Variants in HERC1 observed in about 807,000 individuals in gnomAD.
HERC1 encodes the protein probable E3 ubiquitin-protein ligase HERC1.
A neutral mutation model predicts 554.3 loss-of-function variants in HERC1; 160 were observed. The ratio of observed to expected loss-of-function variants is 0.29; its 90% CI spans 0.25 to 0.33. The LOEUF (loss-of-function observed/expected upper bound fraction) is 0.33, where lower values mean the gene tolerates loss of function less well. Ranked by LOEUF, HERC1 falls within the 10% of genes least tolerant of loss-of-function variation. HERC1 has a pLI of 1.00. For synonymous variants in HERC1, 2,175 were observed against 2,131.7 expected (o/e 1.02, Z -0.56); for missense variants, 4,919 against 5,918.5 (o/e 0.83, Z 5.54).
rs564018971 is a variant in HERC1, at chr15:63,689,696, C to T, written c.5941G>A (p.Val1981Ile). Residue 1981 changes from valine to isoleucine, a missense_variant, in exon 33 of 78, where the codon GTT becomes ATT. By Grantham distance (29) the Val-to-Ile change is conservative. This residue lies in a region of HERC1 where 1,121 missense variants were observed against 1,244.0 expected (regional missense o/e 0.90). Coordinates refer to ENST00000443617, the MANE Select transcript of HERC1 (RefSeq NM_003922.4). ...GVEDDQMAQIVERLFSLLSDC... is the reference protein window; with the variant it reads ...GVEDDQMAQIIERLFSLLSDC... ...GAGAGAAGGGAAAATAAGCGCTCAA[C>T]AATCTGTTTTATTGAAGAAAAAAGG... is the stretch of plus-strand genomic sequence containing the variant. 2.3e-4 allele frequency: 362 copies of T among 1,548,180 alleles called. 1 individual carries two copies. In the South Asian group the frequency reaches 4.0e-3, roughly 17 times the overall value.
rs1209040848 is a variant in HERC1, at chr15:63,633,801, A to G, written c.12693+47T>C. ...CTAATAATAACTACTGACATAGATG[A>G]AAACTATTTATGTTGTCTGAAAACC... On this transcript the variant is annotated intron_variant, in intron 67 of 77. Coordinates refer to ENST00000443617, the MANE Select transcript of HERC1 (RefSeq NM_003922.4). 4 of 1,580,938 alleles carry G rather than the reference A, an allele frequency of 2.5e-6. No individual in the cohort carries two copies. In the East Asian group the frequency reaches 9.0e-5, roughly 36 times the overall value.
chr15:63,643,675 C>T, intron 57 of HERC1, 125 bp from the exon 58 acceptor site: 1 of 616,576 alleles, frequency 1.6e-6, no homozygotes, highest in Non-Finnish European at 2.7e-6. Context: ...GATAATTTCT[C>T]TCATAAAGGA....
At chr15:63,629,768 C>G (rs1447492470) in intron 69 of HERC1, among the ~76,000 whole-genome samples, 2 of 152,146 alleles carry the variant, frequency 1.3e-5, no homozygotes, top group Non-Finnish European at 2.9e-5. Flanking sequence ...AGACCTTGAA[C>G]TTAAGGGTCC....
chr15:63,725,764 CAT>C (rs1417805974), intron 17 of HERC1, among the ~76,000 whole-genome samples: 2 of 152,148 alleles, frequency 1.3e-5, no homozygotes, highest in Admixed American at 1.3e-4. Flanking sequence ...ATTAAAACAA[CAT>C]ATGACAACAT....
Position 63,775,196 on chromosome 15 carries a change from A to G in HERC1, c.428T>C (p.Val143Ala). ...SPESSSGSADVHSVSERPRSS... is the reference protein window; with the variant it reads ...SPESSSGSADAHSVSERPRSS... Reference sequence around the variant, plus strand: ...CCGGGGGCGTTCACTAACAGAATGGACATCTGCTGAACCAGAACTGCTCTC... The same window carrying G: ...CCGGGGGCGTTCACTAACAGAATGGGCATCTGCTGAACCAGAACTGCTCTC... The change falls in exon 2 of 78, where the codon GTC becomes GCC. Residue 143 changes from valine to alanine, a missense_variant. This residue lies in a region of HERC1 where 744 missense variants were observed against 1,090.0 expected (regional missense o/e 0.68). Coordinates refer to ENST00000443617, the MANE Select transcript of HERC1 (RefSeq NM_003922.4). The surrounding 1 kb of genome is among the most constrained non-coding windows in gnomAD (Gnocchi z 4.0). 2 of 1,614,024 alleles carry G rather than the reference A, an allele frequency of 1.2e-6. No homozygotes were observed. Among genetic ancestry groups the G allele is most frequent in the Non-Finnish European group, 1.7e-6 (2 of 1,179,888 alleles).
At chr15:63,795,925 A>G (rs1567136348) in intron 1 of HERC1, among the ~76,000 whole-genome samples, 1 of 152,238 alleles carries the variant, frequency 6.6e-6, no homozygotes, top group Non-Finnish European at 1.5e-5. Flanking sequence ...AAAGGTAAAA[A>G]TACCTTTAAA....
At chr15:63,618,660 C>A (rs1428194109) in intron 74 of HERC1, among the ~76,000 whole-genome samples, 4 of 152,124 alleles carry the variant, frequency 2.6e-5, no homozygotes, top group African/African-American at 7.2e-5. Context: ...CCATTTATTT[C>A]TATCCTGTTT....
In HERC1 at chr15:63,659,172, C is replaced by A. The variant is rs558507958; in HGVS notation, c.9425-454G>T. 6.6e-5 allele frequency among the ~76,000 whole-genome samples: 10 copies of A among 152,270 alleles called. No individual in the cohort carries two copies. In the East Asian group the frequency reaches 1.9e-3, roughly 29 times the overall value. On this transcript the variant is annotated intron_variant, in intron 47 of 77. Transcript: ENST00000443617. ...TAAGTTGGTTACAGGATTCTCTTAA[C>A]ACCAAGTTTTTTTTTAAATAACAAG...
At position 63,643,039 on chromosome 15, in the gene HERC1, G is replaced by C. The variant is rs749123230; in HGVS notation, c.11351C>G (p.Thr3784Ser). ...WSLRDGSVLQ[T>S]VVIGSGAIQT... ...AATAGCTCCAGAGCCTATCACAACA[G>C]TTTGCAAGACAGAGCCATCCTAAAA... Residue 3784 changes from threonine (T) to serine (S), a missense_variant, in exon 59 of 78, where the codon ACT becomes AGT. Around this residue, in one of 11 missense-constraint regions of HERC1, gnomAD observed 1,963 missense variants for 2,228.6 expected, o/e 0.88. Coordinates refer to ENST00000443617, the MANE Select transcript of HERC1 (RefSeq NM_003922.4). The C allele has an allele frequency of 8.1e-6, 13 of 1,611,382 alleles. No individual in the cohort carries two copies. The African/African-American group carries it at 1.3e-4, about 17-fold the overall frequency.
chr15:63,636,112 C>T lies in HERC1; in HGVS notation c.12263G>A (p.Cys4088Tyr). The T allele has an allele frequency of 6.2e-7, 1 of 1,613,862 alleles. No individual in the cohort carries two copies. ...GGCCATAGAGTGCCCATCAGAACCACAGGAAGTCACCAGCTGGGTCACCAC... is the reference window on the plus strand; with the variant it reads ...GGCCATAGAGTGCCCATCAGAACCATAGGAAGTCACCAGCTGGGTCACCAC... ...GFVVTQLVTS[C>Y]GSDGHSMALT... The change falls in exon 65 of 78, where the codon TGT becomes TAT. Residue 4088 changes from cysteine (C) to tyrosine (Y), a missense_variant. By Grantham distance (194) the Cys-to-Tyr change is radical. Around this residue, in one of 11 missense-constraint regions of HERC1, gnomAD observed 122 missense variants for 195.2 expected, o/e 0.63. Transcript: ENST00000443617.
chr15:63,632,447 A>T, intron 68 of HERC1: 1 of 502,062 alleles, frequency 2.0e-6, no homozygotes, highest in South Asian at 2.0e-5. Flanking sequence ...AGTAGAAAAG[A>T]AGAGGGGACG....
intron 1 of HERC1, among the ~76,000 whole-genome samples, chr15:63,787,688 C>T (rs545402177): frequency 3.6e-4 from 55 of 152,006 alleles, no homozygotes; most frequent in African/African-American, 1.1e-3. Context: ...TCACTTGAGG[C>T]CAGGATTTCA....
rs189977180 is a variant in HERC1 at position 63,710,826 on chromosome 15, G to T, written c.4584+1949C>A. On this transcript the variant is annotated intron_variant, in intron 24 of 77. Coordinates refer to ENST00000443617, the MANE Select transcript of HERC1 (RefSeq NM_003922.4). ...AAACAGCCAGTTAAGGCCCTAAAGG[G>T]AACTTGTGTTGCAGATTCACGCAAC... 1.9e-3 allele frequency among the ~76,000 whole-genome samples: 293 copies of T among 152,298 alleles called. 4 individuals carry two copies. Among genetic ancestry groups the T allele is most frequent in the Non-Finnish European group, 4.0e-4 (27 of 68,018 alleles).
rs753638765 is a variant in HERC1 at position 63,758,382 on chromosome 15, T to A, written c.1027-13A>T. ...CCATTCTGCAAACCTATTAAAAATT[T>A]AAAATATGCAACAAATAGTCAAGAC... is the stretch of plus-strand genomic sequence containing the variant. On this transcript the variant is annotated splice_polypyrimidine_tract_variant and intron_variant, in intron 3 of 77. Coordinates refer to ENST00000443617, the MANE Select transcript of HERC1 (RefSeq NM_003922.4). This position sits in a 1 kb window ranked among gnomAD's most constrained non-coding sequence, Gnocchi z 4.0. The A allele has an allele frequency of 2.6e-6, 4 of 1,559,484 alleles. No individual in the cohort carries two copies. The Middle Eastern group carries it at 5.1e-4, about 199-fold the overall frequency.
intron 26 of HERC1, 64 bp from the exon 27 acceptor site, chr15:63,696,403 C>A: frequency 8.9e-7 from 1 of 1,120,410 alleles, no homozygotes; most frequent in South Asian, 1.4e-5. Context: ...ACTCTGTATG[C>A]CAAAAACAGT....
intron 12 of HERC1, among the ~76,000 whole-genome samples, chr15:63,744,154 G>GTGTGTGTGTGTGTGTGTGTGTC (rs1567077976): frequency 4.0e-4 from 17 of 42,086 alleles, no homozygotes; most frequent in Non-Finnish European, 9.6e-4. Flanking sequence ...GTGTGTGTGT[G>GTGTGTGTGTGTGTGTGTGTGTC]TGTGTGTGTG....
At chr15:63,646,341 G>C (rs1014519074) in intron 55 of HERC1, among the ~76,000 whole-genome samples, 5 of 152,086 alleles carry the variant, frequency 3.3e-5, no homozygotes, top group Non-Finnish European at 7.4e-5. Context: ...ATAATTCACT[G>C]TTTTAGCTTT....
intron 71 of HERC1, among the ~76,000 whole-genome samples, chr15:63,625,393 G>A (rs544224331): frequency 6.6e-6 from 1 of 152,224 alleles, no homozygotes; most frequent in East Asian, 1.9e-4. Flanking sequence ...AGAAGTGGCT[G>A]GCAGACTTTG....
intron 3 of HERC1, among the ~76,000 whole-genome samples, chr15:63,760,086 C>A (rs1269102360): frequency 7.3e-6 from 1 of 137,728 alleles, no homozygotes; most frequent in Non-Finnish European, 1.6e-5. Context: ...AAAGCCCCTA[C>A]ACTGAGAAAA....
Sources: gnomAD v4.1 joint callset for allele counts (sites outside exome capture counted in the v4.1 genomes callset) on GRCh38, gnomAD v4.1.1 for gene constraint, gnomAD v4.1.1 regional missense constraint, Gnocchi (gnomAD v3.1) non-coding constraint, MANE v1.5 for transcripts, NCBI Gene and HGNC (gene_info 2026-07-23, HGNC 2026-07-21) for gene names.